The following RIMS2 variants were observed in gnomAD, a reference collection of about 807,000 sequenced individuals.
The protein encoded by RIMS2 is regulating synaptic membrane exocytosis 2, also known as regulating synaptic membrane exocytosis protein 2.
In RIMS2, 59 loss-of-function variants were observed where a neutral mutation model predicts 174.4. The ratio of observed to expected loss-of-function variants is 0.34; its 90% CI spans 0.27 to 0.42. RIMS2 has a LOEUF of 0.42. Among genes scored for constraint, RIMS2 ranks in the 10% least tolerant of loss-of-function variants. The pLI is 1.00. For missense variants in RIMS2, 1,620 were observed against 1,666.3 expected (o/e 0.97, Z 0.48); for synonymous variants, 606 against 572.5 (o/e 1.06, Z -0.84).
chr8:104,132,896 T>C (rs1042323698), intron 19 of RIMS2, among the ~76,000 whole-genome samples: 12 of 152,212 alleles, frequency 7.9e-5, no homozygotes, highest in African/African-American at 2.9e-4. Flanking sequence ...CCTGGGAATT[T>C]GTTAGAAATG....
chr8:103,520,077 G>C (rs1435313814), intron 1 of RIMS2, among the ~76,000 whole-genome samples: 1 of 152,050 alleles, frequency 6.6e-6, no homozygotes, highest in Non-Finnish European at 1.5e-5. Context: ...TCATATCCTA[G>C]TTTCCCAGTT....
At chr8:104,017,357 T>A (rs753661197) in intron 19 of RIMS2, among the ~76,000 whole-genome samples, 21 of 151,942 alleles carry the variant, frequency 1.4e-4, no homozygotes, top group Non-Finnish European at 2.5e-4. Flanking sequence ...ACAGCCAAAA[T>A]ATGAGCAAGT....
At chr8:104,180,076 T>G (rs1290731231) in intron 19 of RIMS2, among the ~76,000 whole-genome samples, 1 of 151,870 alleles carries the variant, frequency 6.6e-6, no homozygotes, top group Admixed American at 6.6e-5. Context: ...AATGCTCTTC[T>G]ACTGCATAGA....
At chr8:104,222,109 CTT>C (rs1563837560) in intron 19 of RIMS2, among the ~76,000 whole-genome samples, 1 of 152,212 alleles carries the variant, frequency 6.6e-6, no homozygotes, top group African/African-American at 2.4e-5. Context: ...CCTGACAACT[CTT>C]TTTGAATTGC....
At chr8:103,671,811 G>GAATTGTATGTTATT (rs1483701138) in intron 1 of RIMS2, among the ~76,000 whole-genome samples, 1 of 152,004 alleles carries the variant, frequency 6.6e-6, no homozygotes, top group Non-Finnish European at 1.5e-5. Context: ...TACAATTTTG[G>GAATTGTATGTTATT]AACATATATT....
intron 19 of RIMS2, among the ~76,000 whole-genome samples, chr8:104,073,108 G>A (rs1027561226): frequency 6.6e-5 from 10 of 152,046 alleles, no homozygotes; most frequent in African/African-American, 2.2e-4. Context: ...TCAGAAAAAT[G>A]TGATTTATTA....
intron 1 of RIMS2, 120 bp from the exon 4 acceptor site, chr8:103,696,966 A>T: frequency 3.2e-6 from 2 of 626,638 alleles, no homozygotes; most frequent in Non-Finnish European, 5.7e-6. Context: ...TTAAATTTTC[A>T]TTCTTTTTAT....
chr8:103,687,003 G>A (rs2096948947), intron 1 of RIMS2, among the ~76,000 whole-genome samples: 1 of 152,076 alleles, frequency 6.6e-6, no homozygotes. Flanking sequence ...TGTTTTCTGG[G>A]AGAGACTATG....
chr8:103,965,976 G>T (rs1157686213), intron 15 of RIMS2, among the ~76,000 whole-genome samples: 1 of 152,036 alleles, frequency 6.6e-6, no homozygotes, highest in Non-Finnish European at 1.5e-5. Context: ...AAACAGCTTT[G>T]TGTATCCAAG....
intron 19 of RIMS2, among the ~76,000 whole-genome samples, chr8:104,158,581 A>G (rs958693461): frequency 6.6e-6 from 1 of 152,098 alleles, no homozygotes; most frequent in African/African-American, 2.4e-5. Context: ...CTTTTTAATG[A>G]TTGCCATTCT....
chr8:104,200,661 C>G (rs1046217056), intron 19 of RIMS2, among the ~76,000 whole-genome samples: 21 of 152,204 alleles, frequency 1.4e-4, no homozygotes, highest in Admixed American at 3.3e-4. Flanking sequence ...AATCCCAGCA[C>G]TTTTGGAGTC....
chr8:104,064,937 T>G (rs2097077914), intron 19 of RIMS2, among the ~76,000 whole-genome samples: 1 of 152,038 alleles, frequency 6.6e-6, no homozygotes, highest in Non-Finnish European at 1.5e-5. Context: ...TAAAACCATA[T>G]CAAACCACTA....
At chr8:104,140,109 A>G (rs1200228454) in intron 19 of RIMS2, among the ~76,000 whole-genome samples, 1 of 152,202 alleles carries the variant, frequency 6.6e-6, no homozygotes, top group African/African-American at 2.4e-5. Flanking sequence ...GCTAGGATCA[A>G]TCCCACTTGG....
At chr8:103,790,601 C>G (rs1227651347) in intron 3 of RIMS2, among the ~76,000 whole-genome samples, 1 of 151,958 alleles carries the variant, frequency 6.6e-6, no homozygotes, top group Non-Finnish European at 1.5e-5. Context: ...ATTCTCTTGT[C>G]TGTATTTTTA....
intron 1 of RIMS2, among the ~76,000 whole-genome samples, chr8:103,600,514 G>T (rs191218518): frequency 1.1e-4 from 17 of 152,154 alleles, no homozygotes; most frequent in African/African-American, 3.9e-4. Context: ...CAAGTGATCC[G>T]CATGCCTTGG....
chr8:103,808,133 GT>G (rs2098662758), intron 3 of RIMS2, among the ~76,000 whole-genome samples: 1 of 152,090 alleles, frequency 6.6e-6, no homozygotes, highest in Admixed American at 6.6e-5. Context: ...TTTCCCGAGA[GT>G]TGTTTTGAAG....
intron 19 of RIMS2, among the ~76,000 whole-genome samples, chr8:104,017,668 A>G (rs1236024379): frequency 6.6e-6 from 1 of 152,162 alleles, no homozygotes; most frequent in Non-Finnish European, 1.5e-5. Context: ...AAATATTTTA[A>G]AAGTCACAAT....
At chr8:103,871,095 A>G (rs1021763574) in intron 3 of RIMS2, among the ~76,000 whole-genome samples, 1 of 152,208 alleles carries the variant, frequency 6.6e-6, no homozygotes, top group African/African-American at 2.4e-5. Context: ...GAAGTATGAT[A>G]TAAATAATTC....
intron 19 of RIMS2, among the ~76,000 whole-genome samples, chr8:104,231,763 T>C (rs929626257): frequency 6.6e-6 from 1 of 152,218 alleles, no homozygotes; most frequent in African/African-American, 2.4e-5. Context: ...TCAAAATATT[T>C]TTGCCTTTTT....
Sources: allele counts gnomAD v4.1 joint callset (sites outside exome capture counted in the v4.1 genomes callset), GRCh38; gene constraint gnomAD v4.1.1; transcripts MANE v1.5; gene names NCBI Gene and HGNC (gene_info 2026-07-23, HGNC 2026-07-21).